Variants in DMD observed in about 807,000 individuals in gnomAD.
DMD encodes mutant dystrophin.
Under a neutral mutation model 330.1 loss-of-function variants are expected in DMD, and 63 were observed. That is an observed-to-expected ratio of 0.19 (90% confidence interval 0.16 to 0.24). DMD has a LOEUF of 0.24. Among genes scored for constraint, DMD ranks in the 10% least tolerant of loss-of-function variants. The pLI is 1.00. For missense variants in DMD, 3,344 were observed against 2,684.1 expected (o/e 1.25, Z -5.43); for synonymous variants, 1,223 against 959.8 (o/e 1.27, Z -5.07).
chrX:31,816,391 A>C (rs189440887), intron 50 of DMD, among the ~76,000 whole-genome samples: 1 of 110,798 alleles, frequency 9.0e-6, no homozygotes, highest in Non-Finnish European at 1.9e-5. Context: ...ACATCTATAA[A>C]AGAAGAATAC....
At chrX:32,327,312 C>T (rs762455523) in intron 41 of DMD, among the ~76,000 whole-genome samples, 1 of 110,617 alleles carries the variant, frequency 9.0e-6, no homozygotes, top group African/African-American at 3.3e-5. Context: ...TATAAGTAAG[C>T]TTTGGATTTC....
intron 1 of DMD, among the ~76,000 whole-genome samples, chrX:33,281,322 C>T (rs1299161117): frequency 9.2e-6 from 1 of 108,779 alleles, no homozygotes; most frequent in Non-Finnish European, 1.9e-5. Flanking sequence ...GACCCTCATG[C>T]CTCAGCCTCC....
intron 2 of DMD, among the ~76,000 whole-genome samples, chrX:32,938,381 T>C (rs2090162689): frequency 8.9e-6 from 1 of 111,747 alleles, no homozygotes; most frequent in Non-Finnish European, 1.9e-5. Context: ...TCAGAGTCCT[T>C]ATCAGTATTC....
At chrX:33,319,916 A>AAT (rs59833281) in intron 1 of DMD, among the ~76,000 whole-genome samples, 1,266 of 111,726 alleles carry the variant, frequency 0.011, 18 homozygotes, top group African/African-American at 0.039. Context: ...AAAAAGGTAA[A>AAT]ATATATATAT....
At chrX:32,207,623 G>A (rs2097075794) in intron 44 of DMD, among the ~76,000 whole-genome samples, 1 of 111,933 alleles carries the variant, frequency 8.9e-6, no homozygotes, top group Middle Eastern at 4.6e-3. Flanking sequence ...ATTATCTTGC[G>A]TGGTCATGTA....
chrX:32,693,213 A>G (rs1417315944), intron 9 of DMD, among the ~76,000 whole-genome samples: 1 of 111,870 alleles, frequency 8.9e-6, no homozygotes, highest in Non-Finnish European at 1.9e-5. Context: ...ATTCTCCTCT[A>G]CAGCCTCCAA....
At chrX:32,329,444 G>T (rs1167680949) in intron 41 of DMD, among the ~76,000 whole-genome samples, 1 of 111,957 alleles carries the variant, frequency 8.9e-6, no homozygotes, top group Admixed American at 9.5e-5. Context: ...ATCTTGGCAA[G>T]TTTAAAGAAG....
At chrX:32,439,100 G>A (rs1363716516) in intron 28 of DMD, among the ~76,000 whole-genome samples, 1 of 111,592 alleles carries the variant, frequency 9.0e-6, no homozygotes, top group East Asian at 2.8e-4. Flanking sequence ...CAGTGTCATA[G>A]GCATGCCAGA....
At chrX:32,615,236 C>CA (rs1332441901) in intron 11 of DMD, among the ~76,000 whole-genome samples, 6 of 111,238 alleles carry the variant, frequency 5.4e-5, no homozygotes, top group Non-Finnish European at 9.5e-5. Context: ...TTGATACACA[C>CA]AAATAGACTA....
chrX:32,297,315 C>G (rs1039336234), intron 42 of DMD, among the ~76,000 whole-genome samples: 2 of 106,336 alleles, frequency 1.9e-5, no homozygotes, highest in African/African-American at 3.5e-5. Flanking sequence ...ACTCTGTCAC[C>G]CAGGCTGGAA....
chrX:31,311,433 A>G (rs952118657), intron 62 of DMD, among the ~76,000 whole-genome samples: 1 of 111,715 alleles, frequency 9.0e-6, no homozygotes, highest in African/African-American at 3.3e-5. Flanking sequence ...CATACTCTCT[A>G]TCTTAGGGAA....
chrX:32,418,295 A>G (rs2098174148), intron 29 of DMD, among the ~76,000 whole-genome samples: 1 of 111,483 alleles, frequency 9.0e-6, no homozygotes, highest in Non-Finnish European at 1.9e-5. Flanking sequence ...GCAAAGGAGA[A>G]TGATAGACAT....
At chrX:31,217,454 TTA>T (rs2045532489) in intron 64 of DMD, among the ~76,000 whole-genome samples, 1 of 111,869 alleles carries the variant, frequency 8.9e-6, no homozygotes, top group African/African-American at 3.3e-5. Flanking sequence ...GATCAAGTGC[TTA>T]ATAGAGGTGG....
chrX:33,185,971 C>G (rs1360303592), intron 1 of DMD, among the ~76,000 whole-genome samples: 2 of 111,940 alleles, frequency 1.8e-5, no homozygotes, highest in African/African-American at 6.5e-5. Context: ...CATTGAGAAA[C>G]TCTAAGGGGA....
chrX:31,381,391 C>A (rs1160275283), intron 60 of DMD, among the ~76,000 whole-genome samples: 1 of 111,529 alleles, frequency 9.0e-6, no homozygotes, highest in Non-Finnish European at 1.9e-5. Context: ...TTTTAGAGGC[C>A]CTCAAAATCA....
chrX:31,196,305 G>C (rs973922907), intron 67 of DMD, among the ~76,000 whole-genome samples: 1 of 110,821 alleles, frequency 9.0e-6, no homozygotes, highest in Non-Finnish European at 1.9e-5. Flanking sequence ...GGACTATTAG[G>C]GTCTACCTTC....
intron 51 of DMD, among the ~76,000 whole-genome samples, chrX:31,759,835 A>G (rs1369287645): frequency 8.9e-6 from 1 of 111,756 alleles, no homozygotes; most frequent in Admixed American, 9.6e-5. Flanking sequence ...CCTGGTAACA[A>G]CTTCACAAAT....
chrX:32,077,298 G>T (rs186292110), intron 44 of DMD, among the ~76,000 whole-genome samples: 1 of 110,739 alleles, frequency 9.0e-6, no homozygotes, highest in Non-Finnish European at 1.9e-5. Flanking sequence ...TTCTACTGAA[G>T]TATATTATAC....
At chrX:31,593,852 A>C (rs2076991797) in intron 55 of DMD, among the ~76,000 whole-genome samples, 2 of 111,333 alleles carry the variant, frequency 1.8e-5, no homozygotes, top group African/African-American at 6.5e-5. Flanking sequence ...TGTTAAATAA[A>C]ATCCTAATTA....
Sources: allele counts gnomAD v4.1 joint callset (sites outside exome capture counted in the v4.1 genomes callset), GRCh38; gene constraint gnomAD v4.1.1; transcripts MANE v1.5; gene names NCBI Gene and HGNC (gene_info 2026-07-23, HGNC 2026-07-21).